Variants in SLC39A11 observed in about 807,000 individuals in gnomAD.
The protein encoded by SLC39A11 is solute carrier family 39 member 11.
A neutral mutation model predicts 36.1 loss-of-function variants in SLC39A11; 33 were observed. That is an observed-to-expected ratio of 0.91 (90% CI 0.69 to 1.22). The LOEUF is 1.22. SLC39A11 is among the 50% of genes most tolerant of loss of function. The probability of loss-of-function intolerance (pLI) is 0.00; values close to 1 mark genes in which losing one functional copy is unlikely to be tolerated. For synonymous variants in SLC39A11, 166 were observed against 170.3 expected (o/e 0.97, Z 0.20); for missense variants, 432 against 430.3 (o/e 1.00, Z -0.03).
rs375261063 is a variant in SLC39A11 at position 72,718,263 on chromosome 17, C to T, written c.671+18387G>A. Among the ~76,000 whole-genome samples, 846 of 152,044 alleles carry T rather than the reference C, an allele frequency of 5.6e-3. 1 individual carries two copies. Among genetic ancestry groups the T allele is most frequent in the Non-Finnish European group, 7.9e-3 (535 of 67,980 alleles). On this transcript the variant is annotated intron_variant, in intron 7 of 9. Transcript: ENST00000255559. Reference sequence around the variant, plus strand: ...AGGAGTTTGAGACCTGGTGAAACCCCGCCTCTACTAAAAAGAGAAAAAAAA... The same window carrying T: ...AGGAGTTTGAGACCTGGTGAAACCCTGCCTCTACTAAAAAGAGAAAAAAAA...
intron 4 of SLC39A11, among the ~76,000 whole-genome samples, chr17:73,026,610 T>C (rs1030262639): frequency 6.7e-6 from 1 of 149,978 alleles, no homozygotes; most frequent in Non-Finnish European, 1.5e-5. Context: ...CTGGTAACAA[T>C]GTTTGACTGG....
chr17:72,665,389 G>GTTTTTTTCTTTTTT (rs2070688987), intron 7 of SLC39A11, among the ~76,000 whole-genome samples: 2 of 76,636 alleles, frequency 2.6e-5, no homozygotes, highest in African/African-American at 5.3e-5. Context: ...GTTTTGAGGT[G>GTTTTTTTCTTTTTT]TTTTTTTTTT....
intron 7 of SLC39A11, among the ~76,000 whole-genome samples, chr17:72,728,005 G>A (rs567672548): frequency 1.2e-4 from 19 of 152,212 alleles, no homozygotes; most frequent in Non-Finnish European, 2.6e-4. Context: ...AATGCCACAG[G>A]CGACGTTTAT....
At chr17:72,915,590 C>A (rs1044987245) in intron 5 of SLC39A11, among the ~76,000 whole-genome samples, 2 of 147,758 alleles carry the variant, frequency 1.4e-5, no homozygotes, top group Non-Finnish European at 3.1e-5. Context: ...AGACATCCCA[C>A]TCCCAATCCC....
chr17:72,953,869 A>C (rs546359832), intron 4 of SLC39A11, among the ~76,000 whole-genome samples: 23 of 152,136 alleles, frequency 1.5e-4, no homozygotes, highest in Non-Finnish European at 2.9e-4. Flanking sequence ...ACCTGTGATG[A>C]TTGTCAGCGT....
chr17:72,796,092 A>G (rs1240095712), intron 6 of SLC39A11, among the ~76,000 whole-genome samples: 2 of 152,168 alleles, frequency 1.3e-5, no homozygotes, highest in East Asian at 3.8e-4. Flanking sequence ...ACCAGCCTCC[A>G]TTTGCTAGGA....
intron 4 of SLC39A11, 50 bp from the exon 5 acceptor site, chr17:72,947,925 C>A (rs749792755): frequency 1.1e-5 from 18 of 1,600,288 alleles, no homozygotes; most frequent in Admixed American, 1.7e-5. Context: ...TGTGTTAATT[C>A]CCCAGATGCT....
At chr17:72,797,364 C>T (rs1438537282) in intron 6 of SLC39A11, among the ~76,000 whole-genome samples, 5 of 152,036 alleles carry the variant, frequency 3.3e-5, no homozygotes, top group African/African-American at 1.2e-4. Flanking sequence ...GGAACACTGA[C>T]TAAGATAAGG....
At chr17:72,864,047 A>T (rs1447081555) in intron 5 of SLC39A11, among the ~76,000 whole-genome samples, 1 of 152,078 alleles carries the variant, frequency 6.6e-6, no homozygotes, top group African/African-American at 2.4e-5. Flanking sequence ...GCAACCCAAG[A>T]CGCCTAGGTT....
At chr17:72,811,807 ATCC>A (rs1472413887) in intron 6 of SLC39A11, among the ~76,000 whole-genome samples, 2 of 152,212 alleles carry the variant, frequency 1.3e-5, no homozygotes, top group African/African-American at 4.8e-5. Flanking sequence ...TCTGCTCTTA[ATCC>A]TCCTACTACT....
intron 6 of SLC39A11, among the ~76,000 whole-genome samples, chr17:72,826,730 A>G (rs1381008418): frequency 1.3e-5 from 2 of 152,216 alleles, no homozygotes; most frequent in African/African-American, 4.8e-5. Flanking sequence ...ACAACAAGGT[A>G]TGATAAACAC....
intron 7 of SLC39A11, among the ~76,000 whole-genome samples, chr17:72,714,158 C>G (rs1172122377): frequency 1.3e-5 from 2 of 152,066 alleles, no homozygotes; most frequent in African/African-American, 4.8e-5. Context: ...GAGTTCGAGA[C>G]CAGCCTGGCC....
chr17:73,051,088 T>C (rs145097297), intron 3 of SLC39A11, among the ~76,000 whole-genome samples: 150 of 152,186 alleles, frequency 9.9e-4, no homozygotes, highest in African/African-American at 3.6e-3. Context: ...AAATGCAAAA[T>C]CAAGGTGTCA....
chr17:73,066,352 T>C (rs2059996242), intron 3 of SLC39A11, among the ~76,000 whole-genome samples: 1 of 152,192 alleles, frequency 6.6e-6, no homozygotes, highest in African/African-American at 2.4e-5. Context: ...AGCACCCAGC[T>C]GAGCCCAGCA....
chr17:72,810,095 A>G (rs1178454630), intron 6 of SLC39A11, among the ~76,000 whole-genome samples: 7 of 151,848 alleles, frequency 4.6e-5, no homozygotes, highest in African/African-American at 7.2e-5. Context: ...AAAAAAAAAA[A>G]AAAAGAAAAG....
intron 7 of SLC39A11, among the ~76,000 whole-genome samples, chr17:72,732,684 C>A (rs2074280225): frequency 6.6e-6 from 1 of 152,186 alleles, no homozygotes; most frequent in East Asian, 1.9e-4. Flanking sequence ...GTAAGTGCAA[C>A]CGTACTTAAG....
intron 5 of SLC39A11, among the ~76,000 whole-genome samples, chr17:72,870,884 G>C (rs923046257): frequency 1.3e-5 from 2 of 152,154 alleles, no homozygotes; most frequent in Non-Finnish European, 2.9e-5. Context: ...TACTGTGATA[G>C]AATAAGAATT....
intron 4 of SLC39A11, among the ~76,000 whole-genome samples, chr17:73,007,355 A>G (rs2090244224): frequency 6.6e-6 from 1 of 152,192 alleles, no homozygotes. Flanking sequence ...CGGAAGGCAA[A>G]GGTTGCAGTG....
intron 7 of SLC39A11, among the ~76,000 whole-genome samples, chr17:72,682,784 C>T (rs533122172): frequency 1.7e-3 from 254 of 152,336 alleles, no homozygotes; most frequent in South Asian, 3.5e-3. Context: ...TGCTGATTCA[C>T]GTGGAGACTC....
Sources: gnomAD v4.1 joint callset for allele counts (sites outside exome capture counted in the v4.1 genomes callset) on GRCh38, gnomAD v4.1.1 for gene constraint, MANE v1.5 for transcripts, NCBI Gene and HGNC (gene_info 2026-07-23, HGNC 2026-07-21) for gene names.